Variants in EIF3D observed in about 807,000 individuals in gnomAD.
The protein encoded by EIF3D is eIF3 p66.
Under a neutral mutation model 75.4 loss-of-function variants are expected in EIF3D, and 10 were observed. That is an observed-to-expected ratio of 0.13 (90% CI 0.08 to 0.22). The LOEUF (loss-of-function observed/expected upper bound fraction) is 0.22, where lower values mean the gene tolerates loss of function less well. Among genes scored for constraint, EIF3D ranks in the 10% least tolerant of loss-of-function variants. EIF3D has a pLI of 1.00. For synonymous variants in EIF3D, 246 were observed against 248.3 expected, an observed-to-expected ratio of 0.99 and a Z score of 0.09; for missense variants, 394 against 708.0, an observed-to-expected ratio of 0.56 and a Z score of 5.03.
At chr22:36,514,344 CAG>C (rs35575392) in intron 12 of EIF3D, among the ~76,000 whole-genome samples, 16,899 of 152,228 alleles carry the variant, frequency 0.11, 1,041 homozygotes, top group Middle Eastern at 0.3. Flanking sequence ...CTTGCCCTTG[CAG>C]AGTCTCCTCC....
intron 1 of EIF3D, 89 bp downstream of exon 1, chr22:36,528,987 G>A: frequency 3.2e-6 from 1 of 308,218 alleles, no homozygotes; most frequent in East Asian, 5.0e-5. Context: ...GGGACTAAGA[G>A]AGGTCTCTTC....
chr22:36,519,904 T>C (rs1311483060), intron 7 of EIF3D, among the ~76,000 whole-genome samples: 2 of 152,206 alleles, frequency 1.3e-5, no homozygotes, highest in African/African-American at 4.8e-5. Flanking sequence ...CTATTTGAAA[T>C]GTCAGGAGAA....
Position 36,517,391 on chromosome 22 carries a change from T to C in EIF3D, c.900A>G (p.Gln300=). ...TVSETANEPP[Q]DEGNSFNSPR... is the part of the protein sequence containing the mutation. ...GTGAATTGAAGGAATTACCTTCATCTTGAGGGGGCTCATTGGCAGTCTCAC... is the reference window on the plus strand; with the variant it reads ...GTGAATTGAAGGAATTACCTTCATCCTGAGGGGGCTCATTGGCAGTCTCAC... Residue 300 remains glutamine (Q), a synonymous_variant, in exon 10 of 15, where the codon CAA becomes CAG. Coordinates refer to ENST00000216190, the MANE Select transcript of EIF3D (RefSeq NM_003753.4). 6.2e-7 allele frequency: 1 copy of C among 1,613,676 alleles called. No individual in the cohort carries two copies. Among genetic ancestry groups the C allele is most frequent in the Middle Eastern group, 1.7e-4 (1 of 6,056 alleles).
At chr22:36,516,350 C>T (rs1484932880) in intron 12 of EIF3D, 128 bp downstream of exon 12, 10 of 1,184,438 alleles carry the variant, frequency 8.4e-6, no homozygotes, top group Non-Finnish European at 1.2e-5. Flanking sequence ...CAAAAAAAAA[C>T]ATCCAGGTAG....
chr22:36,520,997 C>T (rs973002798), intron 6 of EIF3D, among the ~76,000 whole-genome samples: 8 of 152,006 alleles, frequency 5.3e-5, no homozygotes, highest in African/African-American at 1.5e-4. Context: ...GTCAGGAGTT[C>T]GAGACCAGCC....
chr22:36,513,216 A>G (rs2145868891), intron 12 of EIF3D, among the ~76,000 whole-genome samples: 1 of 152,348 alleles, frequency 6.6e-6, no homozygotes, highest in East Asian at 1.9e-4. Flanking sequence ...ATGACTGGTC[A>G]AAGGTCACAT....
rs1569001603 is a variant in EIF3D, at chr22:36,524,747, G to C, written c.170-15C>G. On this transcript the variant is annotated splice_polypyrimidine_tract_variant and intron_variant, in intron 3 of 14. Transcript: ENST00000216190. ...GGAGTACTTATCTGGAGGCAAAGGT[G>C]ATGGCATGTAGTAACTGCACCCACA... 1.2e-6 allele frequency: 2 copies of C among 1,614,210 alleles called. No homozygotes were observed. The highest frequency in any genetic ancestry group is 1.7e-6 in the Non-Finnish European group (2 of 1,180,046).
At chr22:36,512,710 G>C in intron 12 of EIF3D, 108 bp from the exon 13 acceptor site, 5 of 1,294,676 alleles carry the variant, frequency 3.9e-6, no homozygotes, top group Non-Finnish European at 5.3e-6. Flanking sequence ...TTAGAAAGTG[G>C]GTAGGTACGC....
chr22:36,514,565 A>C (rs1934393977), intron 12 of EIF3D, among the ~76,000 whole-genome samples: 1 of 152,184 alleles, frequency 6.6e-6, no homozygotes, highest in Non-Finnish European at 1.5e-5. Context: ...CTGAAGCACA[A>C]GAAGGATCTG....
chr22:36,527,543 A>G (rs1934624617), intron 1 of EIF3D, among the ~76,000 whole-genome samples: 1 of 152,218 alleles, frequency 6.6e-6, no homozygotes, highest in South Asian at 2.1e-4. Flanking sequence ...AATTCACTAC[A>G]CAAGTATTTC....
At chr22:36,521,918 A>G (rs966376734) in intron 6 of EIF3D, among the ~76,000 whole-genome samples, 1 of 152,160 alleles carries the variant, frequency 6.6e-6, no homozygotes, top group Non-Finnish European at 1.5e-5. Context: ...AGCTTGGGTG[A>G]CAGAGTGAGA....
chr22:36,527,036 A>G (rs1280669918), intron 1 of EIF3D: 2 of 152,176 alleles, frequency 1.3e-5, no homozygotes, highest in Non-Finnish European at 2.9e-5. Flanking sequence ...CTGAAATTCA[A>G]TTTTCCTTTC....
intron 14 of EIF3D, 187 bp from the exon 15 acceptor site, chr22:36,511,187 C>G: frequency 1.2e-6 from 1 of 844,792 alleles, no homozygotes; most frequent in Non-Finnish European, 1.8e-6. Flanking sequence ...GCAGGAGAGA[C>G]AACTTTCAGG....
intron 8 of EIF3D, 85 bp from the exon 9 acceptor site, chr22:36,518,995 C>T: frequency 6.5e-7 from 1 of 1,534,244 alleles, no homozygotes; most frequent in Non-Finnish European, 8.8e-7. Flanking sequence ...AACTCCTTTG[C>T]TGACCACATA....
chr22:36,515,074 C>G (rs1276432370), intron 12 of EIF3D, among the ~76,000 whole-genome samples: 2 of 152,206 alleles, frequency 1.3e-5, no homozygotes, highest in Admixed American at 6.5e-5. Context: ...TCCTCAGCCA[C>G]GCTTCCTCTA....
rs769845050 is a variant in EIF3D at position 36,516,828 on chromosome 22, T to C, written c.991-38A>G. The C allele has an allele frequency of 1.9e-6, 3 of 1,595,536 alleles. 1 individual carries two copies. The South Asian group carries it at 3.3e-5, about 18-fold the overall frequency. ...AGGTGTCACAAGACAGAGCTAACTT[T>C]GTTGACAAGGCCAAGGCCAATCAGT... is the stretch of plus-strand genomic sequence containing the variant. On this transcript the variant is annotated intron_variant, in intron 10 of 14. Coordinates refer to ENST00000216190, the MANE Select transcript of EIF3D (RefSeq NM_003753.4).
chr22:36,518,506 A>AC (rs1242269866), intron 9 of EIF3D, among the ~76,000 whole-genome samples: 1 of 151,390 alleles, frequency 6.6e-6, no homozygotes, highest in Non-Finnish European at 1.5e-5. Flanking sequence ...AAAAAAAAAA[A>AC]AAACAACAAA....
chr22:36,516,985 T>G (rs1402964399), intron 10 of EIF3D, 195 bp from the exon 11 acceptor site: 1 of 624,744 alleles, frequency 1.6e-6, no homozygotes, highest in Non-Finnish European at 2.8e-6. Flanking sequence ...ATTAGAACAA[T>G]GACTTAGTAA....
At chr22:36,522,919 C>T (rs537664469) in intron 6 of EIF3D, among the ~76,000 whole-genome samples, 119 of 152,276 alleles carry the variant, frequency 7.8e-4, no homozygotes, top group Non-Finnish European at 1.4e-3. Context: ...CTGGGACTTC[C>T]CAGTCCCCAG....
Sources: allele counts gnomAD v4.1 joint callset (sites outside exome capture counted in the v4.1 genomes callset), GRCh38; gene constraint gnomAD v4.1.1; transcripts MANE v1.5; gene names NCBI Gene and HGNC (gene_info 2026-07-23, HGNC 2026-07-21).